The following DPP10 variants were observed in gnomAD, a reference collection of about 807,000 sequenced individuals.
DPP10 encodes the protein dipeptidyl peptidase like 10.
In DPP10, 33 loss-of-function variants were observed where a neutral mutation model predicts 120.9. The observed-to-expected ratio is 0.27, with a 90% CI of 0.21 to 0.37. The LOEUF is 0.37. Among genes scored for constraint, DPP10 ranks in the 10% least tolerant of loss-of-function variants. DPP10 has a pLI of 1.00. For synonymous variants in DPP10, 337 were observed against 326.1 expected (o/e 1.03, Z -0.36); for missense variants, 816 against 942.8 (o/e 0.87, Z 1.76).
chr2:114,561,260 T>C (rs1263891524), intron 1 of DPP10, among the ~76,000 whole-genome samples: 2 of 152,216 alleles, frequency 1.3e-5, no homozygotes, highest in Non-Finnish European at 1.5e-5. Flanking sequence ...CCATATGATA[T>C]TGGACAAGGA....
intron 1 of DPP10, among the ~76,000 whole-genome samples, chr2:114,546,461 A>G (rs1033287452): frequency 1.3e-5 from 2 of 152,198 alleles, no homozygotes; most frequent in African/African-American, 4.8e-5. Context: ...CCCACCTCCA[A>G]CACTGGGGAT....
intron 3 of DPP10, among the ~76,000 whole-genome samples, chr2:115,454,328 G>A (rs1049555817): frequency 6.6e-6 from 1 of 151,638 alleles, no homozygotes; most frequent in Non-Finnish European, 1.5e-5. Context: ...AGAGGCGGAA[G>A]TCTTTAACAA....
intron 1 of DPP10, among the ~76,000 whole-genome samples, chr2:114,720,819 C>T (rs540833843): frequency 6.6e-6 from 1 of 152,278 alleles, no homozygotes; most frequent in East Asian, 1.9e-4. Flanking sequence ...TTATACATGT[C>T]ATTTTTGAGC....
chr2:115,299,644 T>C, intron 1 of DPP10, among the ~76,000 whole-genome samples: 1 of 152,036 alleles, frequency 6.6e-6, no homozygotes, highest in South Asian at 2.1e-4. Context: ...ATCTATAAAA[T>C]AGAACTAATG....
chr2:114,529,988 T>A (rs972323957), intron 1 of DPP10, among the ~76,000 whole-genome samples: 37 of 152,190 alleles, frequency 2.4e-4, no homozygotes, highest in Non-Finnish European at 2.9e-5. Context: ...GGCCTCCAGC[T>A]CCATCTATGT....
chr2:114,880,178 A>G (rs773432337), intron 1 of DPP10, among the ~76,000 whole-genome samples: 41 of 152,308 alleles, frequency 2.7e-4, no homozygotes, highest in Middle Eastern at 3.4e-3. Context: ...ATAAATCTGC[A>G]TAAAAGACAT....
intron 1 of DPP10, among the ~76,000 whole-genome samples, chr2:115,242,184 C>A (rs576670473): frequency 6.6e-6 from 1 of 152,068 alleles, no homozygotes; most frequent in Admixed American, 6.6e-5. Context: ...TCCTCAAAGT[C>A]CATTGTATCA....
intron 5 of DPP10, among the ~76,000 whole-genome samples, chr2:115,681,424 C>G (rs1283014435): frequency 6.6e-6 from 1 of 151,688 alleles, no homozygotes; most frequent in Non-Finnish European, 1.5e-5. Flanking sequence ...TGCAAAGTTA[C>G]AAATACAAAA....
At chr2:115,430,818 T>G (rs2070904936) in intron 3 of DPP10, among the ~76,000 whole-genome samples, 1 of 152,168 alleles carries the variant, frequency 6.6e-6, no homozygotes, top group African/African-American at 2.4e-5. Context: ...TTGCTCTGTG[T>G]TTTACTGCTC....
chr2:114,766,930 CGAG>C (rs1680757538), intron 1 of DPP10, among the ~76,000 whole-genome samples: 1 of 150,374 alleles, frequency 6.7e-6, no homozygotes, highest in African/African-American at 2.4e-5. Context: ...CATACACACA[CGAG>C]AGAGAGAGAG....
chr2:114,527,084 C>A (rs1196334918), intron 1 of DPP10, among the ~76,000 whole-genome samples: 1 of 152,160 alleles, frequency 6.6e-6, no homozygotes, highest in African/African-American at 2.4e-5. Context: ...CTTCTCAGGG[C>A]TTCCTTTGGA....
At chr2:115,427,419 CCTT>C (rs1252744232) in intron 3 of DPP10, among the ~76,000 whole-genome samples, 2 of 152,198 alleles carry the variant, frequency 1.3e-5, no homozygotes, top group Non-Finnish European at 2.9e-5. Context: ...GGTTGCCAAA[CCTT>C]CACTCTCGCA....
At chr2:115,484,032 C>T (rs1558735521) in intron 3 of DPP10, among the ~76,000 whole-genome samples, 1 of 151,910 alleles carries the variant, frequency 6.6e-6, no homozygotes, top group South Asian at 2.1e-4. Flanking sequence ...AAACATGACT[C>T]GTGTAGATGA....
intron 25 of DPP10, 145 bp from the exon 26 acceptor site, chr2:115,842,066 C>A: frequency 2.9e-6 from 2 of 686,280 alleles, no homozygotes; most frequent in Non-Finnish European, 2.2e-6. Context: ...AAAAGTTTAG[C>A]ATGAATAACT....
intron 1 of DPP10, among the ~76,000 whole-genome samples, chr2:114,655,857 G>A (rs1483488305): frequency 6.6e-6 from 1 of 152,050 alleles, no homozygotes; most frequent in African/African-American, 2.4e-5. Flanking sequence ...TGTTTTAAAT[G>A]AGCAATTCCA....
At chr2:115,511,020 C>G (rs2077195728) in intron 4 of DPP10, among the ~76,000 whole-genome samples, 1 of 152,014 alleles carries the variant, frequency 6.6e-6, no homozygotes, top group Non-Finnish European at 1.5e-5. Context: ...GTTTAGTAGT[C>G]CAGGCTCTTT....
intron 8 of DPP10, among the ~76,000 whole-genome samples, chr2:115,735,557 G>T (rs2149673901): frequency 6.7e-6 from 1 of 149,934 alleles, no homozygotes; most frequent in Non-Finnish European, 1.5e-5. Context: ...GTCTTGCTCT[G>T]TTGCCCAAGC....
At chr2:115,627,145 A>G (rs1316766248) in intron 5 of DPP10, among the ~76,000 whole-genome samples, 2 of 152,198 alleles carry the variant, frequency 1.3e-5, no homozygotes, top group Non-Finnish European at 2.9e-5. Flanking sequence ...ATAGTAATAC[A>G]AGAGATAAAA....
intron 7 of DPP10, among the ~76,000 whole-genome samples, chr2:115,719,433 T>C (rs1393840981): frequency 1.3e-5 from 2 of 152,136 alleles, no homozygotes; most frequent in African/African-American, 2.4e-5. Context: ...GATGCAAAGG[T>C]GACATGAGTG....
Sources: gnomAD v4.1 joint callset for allele counts (sites outside exome capture counted in the v4.1 genomes callset) on GRCh38, gnomAD v4.1.1 for gene constraint, MANE v1.5 for transcripts, NCBI Gene and HGNC (gene_info 2026-07-23, HGNC 2026-07-21) for gene names.